The following L3MBTL4 variants were observed in gnomAD, a reference collection of about 807,000 sequenced individuals.
L3MBTL4 encodes the protein L3MBTL histone methyl-lysine binding protein 4.
A neutral mutation model predicts 84.5 loss-of-function variants in L3MBTL4; 70 were observed. That is an observed-to-expected ratio of 0.83 (90% CI 0.68 to 1.01). The LOEUF (loss-of-function observed/expected upper bound fraction) is 1.01, where lower values mean the gene tolerates loss of function less well. Ranked by LOEUF, L3MBTL4 falls within the 50% of genes least tolerant of loss-of-function variation. The probability of loss-of-function intolerance (pLI) is 0.00; values close to 1 mark genes in which losing one functional copy is unlikely to be tolerated. For synonymous variants in L3MBTL4, 274 were observed against 259.8 expected (o/e 1.05, Z -0.52); for missense variants, 715 against 754.8 (o/e 0.95, Z 0.62).
intron 12 of L3MBTL4, among the ~76,000 whole-genome samples, chr18:6,194,784 C>A (rs1240968079): frequency 1.3e-5 from 2 of 152,188 alleles, no homozygotes; most frequent in African/African-American, 4.8e-5. Context: ...ATGGCAGCAT[C>A]CCCGATGAAT....
At chr18:5,995,990 C>T (rs914933621) in intron 16 of L3MBTL4, among the ~76,000 whole-genome samples, 4 of 152,176 alleles carry the variant, frequency 2.6e-5, no homozygotes, top group Admixed American at 6.5e-5. Flanking sequence ...CAGCTGGAGG[C>T]GTGTGTGGCT....
chr18:5,982,031 C>T (rs1246431928), intron 16 of L3MBTL4, among the ~76,000 whole-genome samples: 2 of 134,358 alleles, frequency 1.5e-5, no homozygotes, highest in Non-Finnish European at 3.1e-5. Context: ...AAAGGAAGAA[C>T]GAAAGCAAAA....
At chr18:6,319,583 A>T (rs1364756535) in intron 1 of L3MBTL4, among the ~76,000 whole-genome samples, 1 of 152,090 alleles carries the variant, frequency 6.6e-6, no homozygotes, top group Non-Finnish European at 1.5e-5. Context: ...TAAATCAGGA[A>T]GAAATAGAAA....
At chr18:6,159,538 C>G (rs1369274839) in intron 13 of L3MBTL4, among the ~76,000 whole-genome samples, 1 of 152,150 alleles carries the variant, frequency 6.6e-6, no homozygotes, top group South Asian at 2.1e-4. Context: ...TATATCTATA[C>G]CCAAGCTGAG....
rs557736200 is a variant in L3MBTL4, at chr18:6,354,183, A to G, written c.-90-42127T>C. Among the ~76,000 whole-genome samples the G allele has an allele frequency of 1.1e-4, 17 of 152,318 alleles. 1 individual carries two copies. In the South Asian group the frequency reaches 3.3e-3, roughly 30 times the overall value. On this transcript the variant is annotated intron_variant, in intron 1 of 18. Transcript: ENST00000317931. ...AGGTCCCAAGAACACACACTGGGGA[A>G]AAGACAGTCTCTTCAATAAATGGTG...
intron 5 of L3MBTL4, among the ~76,000 whole-genome samples, chr18:6,252,049 C>T (rs2097665002): frequency 6.6e-6 from 1 of 152,218 alleles, no homozygotes; most frequent in African/African-American, 2.4e-5. Flanking sequence ...CGGTGGCTCA[C>T]GCCTGCAATC....
intron 16 of L3MBTL4, among the ~76,000 whole-genome samples, chr18:5,980,409 G>A (rs965997522): frequency 2.1e-5 from 3 of 146,266 alleles, no homozygotes; most frequent in Non-Finnish European, 4.5e-5. Flanking sequence ...TGTTGAAAAC[G>A]TATAAATAAA....
At position 6,414,063 on chromosome 18, in the gene L3MBTL4, G is replaced by A. The variant is rs567698464; in HGVS notation, c.-91+738C>T. ...GACTCGCGTCCACCTGGGACCAAGCGGGCCCAAGAAGGCCCGGAGAGCAGG... is the reference window on the plus strand; with the variant it reads ...GACTCGCGTCCACCTGGGACCAAGCAGGCCCAAGAAGGCCCGGAGAGCAGG... On this transcript the variant is annotated intron_variant, in intron 1 of 18. Coordinates refer to ENST00000317931, the MANE Select transcript of L3MBTL4 (RefSeq NM_001330559.2). The surrounding 1 kb of genome is among the most constrained non-coding windows in gnomAD (Gnocchi z 5.4). 2.8e-4 allele frequency: 42 copies of A among 152,338 alleles called. No individual in the cohort carries two copies. Among genetic ancestry groups the A allele is most frequent in the African/African-American group, 8.9e-4 (37 of 41,588 alleles). The allele number at this position is 152,338 out of a possible 1,614,324, so 9.4% of individuals were successfully genotyped here. A position where few individuals can be genotyped will look rare whatever the true frequency, so the allele number is the denominator to read the frequency against.
At chr18:6,295,346 C>CTCTCTCTCTATATATATATATA (rs1261475809) in intron 4 of L3MBTL4, among the ~76,000 whole-genome samples, 4 of 81,380 alleles carry the variant, frequency 4.9e-5, no homozygotes, top group African/African-American at 2.7e-4. Flanking sequence ...CTCTCTCTCT[C>CTCTCTCTCTATATATATATATA]TATATATATA....
At chr18:6,131,156 C>A (rs545169840) in intron 14 of L3MBTL4, among the ~76,000 whole-genome samples, 10 of 152,290 alleles carry the variant, frequency 6.6e-5, no homozygotes, top group African/African-American at 2.4e-4. Context: ...CCTTTCAAAA[C>A]ACCAAGGCTT....
intron 14 of L3MBTL4, among the ~76,000 whole-genome samples, chr18:6,124,148 T>C (rs1396607852): frequency 2.6e-5 from 4 of 152,204 alleles, no homozygotes; most frequent in Non-Finnish European, 5.9e-5. Flanking sequence ...TCAAGTGATT[T>C]TCCTAGTATT....
At chr18:6,107,668 G>T (rs557419362) in intron 14 of L3MBTL4, among the ~76,000 whole-genome samples, 1 of 151,968 alleles carries the variant, frequency 6.6e-6, no homozygotes, top group Non-Finnish European at 1.5e-5. Context: ...AATAAACGTT[G>T]TTACTAACAT....
At chr18:6,411,870 T>C (rs1434639000) in intron 1 of L3MBTL4, among the ~76,000 whole-genome samples, 2 of 152,230 alleles carry the variant, frequency 1.3e-5, no homozygotes, top group Admixed American at 1.3e-4. Flanking sequence ...CCAAATGATA[T>C]GTTTAGTTTT....
chr18:6,288,340 C>G (rs1280773076), intron 4 of L3MBTL4, among the ~76,000 whole-genome samples: 1 of 152,116 alleles, frequency 6.6e-6, no homozygotes, highest in Non-Finnish European at 1.5e-5. Flanking sequence ...AATGAGTGCT[C>G]ATATAAAATA....
chr18:6,130,764 T>A (rs974490908), intron 14 of L3MBTL4, among the ~76,000 whole-genome samples: 41 of 152,222 alleles, frequency 2.7e-4, no homozygotes, highest in African/African-American at 9.4e-4. Context: ...AATATTGTCA[T>A]CTTTAAATAT....
chr18:6,345,014 G>T (rs1028623651), intron 1 of L3MBTL4, among the ~76,000 whole-genome samples: 1 of 151,756 alleles, frequency 6.6e-6, no homozygotes, highest in African/African-American at 2.4e-5. Flanking sequence ...ACAAAAAAAG[G>T]CATCCAAGTC....
chr18:6,058,277 A>G (rs1197893101), intron 16 of L3MBTL4, among the ~76,000 whole-genome samples: 1 of 152,194 alleles, frequency 6.6e-6, no homozygotes, highest in African/African-American at 2.4e-5. Flanking sequence ...TAAGAAAAGG[A>G]ATTCCACGGC....
At chr18:5,967,037 T>G (rs2052386258) in intron 17 of L3MBTL4, among the ~76,000 whole-genome samples, 1 of 152,206 alleles carries the variant, frequency 6.6e-6, no homozygotes, top group Admixed American at 6.5e-5. Flanking sequence ...TCTTCTCGTC[T>G]TATTCTCTAC....
intron 16 of L3MBTL4, among the ~76,000 whole-genome samples, chr18:6,023,134 G>C (rs183401151): frequency 2.0e-5 from 3 of 152,326 alleles, no homozygotes; most frequent in Admixed American, 6.5e-5. Context: ...GCTGTTTCCT[G>C]CTCCTTTCCA....
Sources: allele counts gnomAD v4.1 joint callset (sites outside exome capture counted in the v4.1 genomes callset), GRCh38; gene constraint gnomAD v4.1.1; non-coding constraint Gnocchi (gnomAD v3.1); transcripts MANE v1.5; gene names NCBI Gene and HGNC (gene_info 2026-07-23, HGNC 2026-07-21).